Variants in MYO3B observed in about 807,000 individuals in gnomAD.
The protein encoded by MYO3B is myosin-IIIb.
In MYO3B, 156 loss-of-function variants were observed where a neutral mutation model predicts 174.6. That is an observed-to-expected ratio of 0.89 (90% CI 0.78 to 1.02). The LOEUF (loss-of-function observed/expected upper bound fraction) is 1.02. Ranked by LOEUF, MYO3B falls within the 50% of genes least tolerant of loss-of-function variation. MYO3B has a pLI of 0.00. For synonymous variants in MYO3B, 563 were observed against 569.1 expected (o/e 0.99, Z 0.15); for missense variants, 1,632 against 1,639.4 (o/e 1.00, Z 0.08).
At chr2:170,583,117 C>T (rs1693261077) in intron 32 of MYO3B, among the ~76,000 whole-genome samples, 2 of 143,224 alleles carry the variant, frequency 1.4e-5, no homozygotes, top group Admixed American at 1.5e-4. Context: ...CTTGACTGAG[C>T]TCTGATGATT....
chr2:170,277,852 G>A (rs148982187), intron 7 of MYO3B, among the ~76,000 whole-genome samples: 20 of 152,036 alleles, frequency 1.3e-4, no homozygotes, highest in South Asian at 2.1e-4. Flanking sequence ...TCTGCAATTC[G>A]CTTTTCCCCT....
At chr2:170,513,989 CA>C (rs1216431470) in intron 28 of MYO3B, among the ~76,000 whole-genome samples, 3 of 152,136 alleles carry the variant, frequency 2.0e-5, no homozygotes, top group African/African-American at 7.2e-5. Flanking sequence ...TAGAAATTGC[CA>C]AAGCCAGAAG....
At chr2:170,298,678 CAAAAAAAAAAA>C (rs71399527) in intron 7 of MYO3B, among the ~76,000 whole-genome samples, 11 of 63,340 alleles carry the variant, frequency 1.7e-4, no homozygotes, top group Non-Finnish European at 3.0e-4. Flanking sequence ...GACTCTGTCT[CAAAAAAAAAAA>C]AAAAAAAAGA....
At chr2:170,347,945 G>C (rs1220962291) in intron 8 of MYO3B, 1 of 152,118 alleles carries the variant, frequency 6.6e-6, no homozygotes, top group Admixed American at 6.5e-5. Context: ...CAATCTGCTA[G>C]ATTTACCTAT....
intron 12 of MYO3B, among the ~76,000 whole-genome samples, chr2:170,384,376 A>G (rs2094358102): frequency 6.6e-6 from 1 of 152,166 alleles, no homozygotes; most frequent in Admixed American, 6.5e-5. Flanking sequence ...CACATTGCTC[A>G]TATATCTAAT....
chr2:170,496,680 T>A (rs187009131), intron 25 of MYO3B, among the ~76,000 whole-genome samples: 1 of 151,488 alleles, frequency 6.6e-6, no homozygotes, highest in Non-Finnish European at 1.5e-5. Flanking sequence ...GATCTCCTTG[T>A]GTCACCCAGG....
At chr2:170,573,227 G>GTATA (rs34137139) in intron 32 of MYO3B, among the ~76,000 whole-genome samples, 419 of 46,458 alleles carry the variant, frequency 9.0e-3, no homozygotes, top group African/African-American at 0.016. Flanking sequence ...TATACTGTGT[G>GTATA]TATATATATA....
At chr2:170,441,132 AAGTT>A (rs2094798027) in intron 22 of MYO3B, among the ~76,000 whole-genome samples, 1 of 152,204 alleles carries the variant, frequency 6.6e-6, no homozygotes, top group Non-Finnish European at 1.5e-5. Context: ...AATTTTGCTA[AAGTT>A]AGTTCTAACA....
intron 7 of MYO3B, among the ~76,000 whole-genome samples, chr2:170,322,536 G>A (rs2093836133): frequency 6.6e-6 from 1 of 152,212 alleles, no homozygotes; most frequent in African/African-American, 2.4e-5. Context: ...GGGTGCTGCT[G>A]TGGTGTCTTT....
At chr2:170,221,706 A>G (rs913244562) in intron 6 of MYO3B, among the ~76,000 whole-genome samples, 1 of 151,924 alleles carries the variant, frequency 6.6e-6, no homozygotes, top group South Asian at 2.1e-4. Context: ...TTGGCATAAT[A>G]AAAGGGTTAA....
chr2:170,256,374 G>A (rs1457217094), intron 7 of MYO3B, among the ~76,000 whole-genome samples: 1 of 152,086 alleles, frequency 6.6e-6, no homozygotes, highest in Non-Finnish European at 1.5e-5. Flanking sequence ...AAATCTTAAA[G>A]GCAGCTTAAG....
intron 1 of MYO3B, among the ~76,000 whole-genome samples, chr2:170,182,033 T>C (rs2092406490): frequency 6.6e-6 from 1 of 152,140 alleles, no homozygotes; most frequent in South Asian, 2.1e-4. Context: ...TCTTTTTTAT[T>C]GTATATACTC....
chr2:170,401,798 TTTTC>T (rs2094478343), intron 18 of MYO3B, 107 bp downstream of exon 18: 3 of 1,012,706 alleles, frequency 3.0e-6, no homozygotes, highest in African/African-American at 3.4e-5. Flanking sequence ...TTTTCTTTCT[TTTTC>T]TTTTTTTTTT....
chr2:170,281,754 A>G (rs2105394360), intron 7 of MYO3B, among the ~76,000 whole-genome samples: 1 of 152,308 alleles, frequency 6.6e-6, no homozygotes, highest in Non-Finnish European at 1.5e-5. Context: ...GACACACAAA[A>G]AAAGCATTCA....
At chr2:170,200,441 G>A (rs1265204493) in intron 3 of MYO3B, among the ~76,000 whole-genome samples, 157 bp downstream of exon 3, 3 of 152,156 alleles carry the variant, frequency 2.0e-5, no homozygotes, top group Non-Finnish European at 4.4e-5. Context: ...CTCCTCCACA[G>A]TTCTTACAGG....
chr2:170,329,136 A>G (rs1166636051), intron 7 of MYO3B, among the ~76,000 whole-genome samples: 1 of 147,812 alleles, frequency 6.8e-6, no homozygotes, highest in Non-Finnish European at 1.5e-5. Context: ...TGGGCGACTG[A>G]GTGAGACTCT....
intron 32 of MYO3B, among the ~76,000 whole-genome samples, chr2:170,605,790 G>A (rs1406621912): frequency 6.6e-6 from 1 of 152,058 alleles, no homozygotes; most frequent in Non-Finnish European, 1.5e-5. Context: ...AACCCAGGAG[G>A]CAGAGGTTGT....
chr2:170,524,119 A>G (rs1020275169), intron 30 of MYO3B, among the ~76,000 whole-genome samples: 1 of 152,134 alleles, frequency 6.6e-6, no homozygotes, highest in African/African-American at 2.4e-5. Flanking sequence ...AAGTGTTGAG[A>G]TCATTCAGAT....
At chr2:170,291,295 A>G (rs192067423) in intron 7 of MYO3B, among the ~76,000 whole-genome samples, 76 of 143,000 alleles carry the variant, frequency 5.3e-4, no homozygotes, top group Non-Finnish European at 1.0e-3. Context: ...AAAGGACCAC[A>G]AGACAATCTA....
Sources: allele counts gnomAD v4.1 joint callset (sites outside exome capture counted in the v4.1 genomes callset), GRCh38; gene constraint gnomAD v4.1.1; transcripts MANE v1.5; gene names NCBI Gene and HGNC (gene_info 2026-07-23, HGNC 2026-07-21).